Variants in ETV6 observed in about 807,000 individuals in gnomAD.
ETV6 encodes transcription factor ETV6.
In ETV6, 16 loss-of-function variants were observed where a neutral mutation model predicts 51.1. The observed-to-expected ratio is 0.31, with a 90% confidence interval of 0.21 to 0.48. The LOEUF is 0.48. ETV6 is among the 20% of genes least tolerant of loss of function. The probability of loss-of-function intolerance (pLI) is 0.99; values close to 1 mark genes in which losing one functional copy is unlikely to be tolerated. For synonymous variants in ETV6, 240 were observed against 224.1 expected (o/e 1.07, Z -0.64); for missense variants, 458 against 594.8 (o/e 0.77, Z 2.39).
chr12:11,657,357 A>G (rs374335481), intron 1 of ETV6, among the ~76,000 whole-genome samples: 3 of 152,384 alleles, frequency 2.0e-5, no homozygotes, highest in East Asian at 3.9e-4. Flanking sequence ...ACAGGCAAGA[A>G]TTCAGAAAGC....
chr12:11,757,634 G>A (rs1184054396), intron 2 of ETV6, among the ~76,000 whole-genome samples: 1 of 152,218 alleles, frequency 6.6e-6, no homozygotes, highest in Non-Finnish European at 1.5e-5. Flanking sequence ...GTGAAAGGCC[G>A]AATGTGATTT....
rs763970956 is a variant in ETV6 at position 11,816,277 on chromosome 12, C to T, written c.164-22863C>T. Among the ~76,000 whole-genome samples the T allele has an allele frequency of 3.3e-5, 5 of 152,332 alleles. No homozygotes were observed. In the East Asian group the frequency reaches 7.7e-4, roughly 23 times the overall value. On this transcript the variant is annotated intron_variant, in intron 2 of 7. Transcript: ENST00000396373. ...GTTGTTGTTGTTTGAGACGGAGTCT[C>T]GCTGTCACCCAGGCTGGAGTGCAAT...
chr12:11,664,572 A>G (rs1864160374), intron 1 of ETV6, among the ~76,000 whole-genome samples: 1 of 152,170 alleles, frequency 6.6e-6, no homozygotes, highest in South Asian at 2.1e-4. Flanking sequence ...AGGCCAACTT[A>G]AAGCCAGCAC....
chr12:11,676,294 G>A (rs995863652), intron 1 of ETV6, among the ~76,000 whole-genome samples: 2 of 152,118 alleles, frequency 1.3e-5, no homozygotes, highest in African/African-American at 2.4e-5. Flanking sequence ...TTCCTCCCCC[G>A]ATCCTGGATC....
chr12:11,801,618 A>T (rs1016965314), intron 2 of ETV6, among the ~76,000 whole-genome samples: 2 of 152,218 alleles, frequency 1.3e-5, no homozygotes, highest in Non-Finnish European at 2.9e-5. Flanking sequence ...TTGTATTTCA[A>T]TGATACCTTA....
chr12:11,662,715 G>C (rs1864122214), intron 1 of ETV6, among the ~76,000 whole-genome samples: 1 of 152,182 alleles, frequency 6.6e-6, no homozygotes, highest in Non-Finnish European at 1.5e-5. Flanking sequence ...TTGCAGGGCT[G>C]AGTTTGGGAA....
chr12:11,868,698 T>A (rs1440340885), intron 4 of ETV6, among the ~76,000 whole-genome samples: 1 of 152,026 alleles, frequency 6.6e-6, no homozygotes, highest in Non-Finnish European at 1.5e-5. Flanking sequence ...TCACTAATAC[T>A]AATAACTCCT....
At chr12:11,872,537 A>C (rs1946897060) in intron 5 of ETV6, among the ~76,000 whole-genome samples, 2 of 145,672 alleles carry the variant, frequency 1.4e-5, no homozygotes, top group East Asian at 2.0e-4. Context: ...TCTGTCACCC[A>C]GGCTGGAGTT....
chr12:11,890,318 AAAAG>A (rs138719227), intron 7 of ETV6, among the ~76,000 whole-genome samples: 13,875 of 151,976 alleles, frequency 0.091, 745 homozygotes, highest in Middle Eastern at 0.19. Flanking sequence ...CTAATTCTGT[AAAAG>A]AAAGAACATA....
At chr12:11,673,181 G>A (rs1385662999) in intron 1 of ETV6, among the ~76,000 whole-genome samples, 2 of 152,194 alleles carry the variant, frequency 1.3e-5, no homozygotes, top group Non-Finnish European at 2.9e-5. Context: ...GAGGGTGTGT[G>A]AATGAGGGTG....
intron 2 of ETV6, among the ~76,000 whole-genome samples, chr12:11,813,425 C>T (rs979695474): frequency 2.0e-5 from 3 of 152,166 alleles, no homozygotes; most frequent in Admixed American, 6.5e-5. Flanking sequence ...AATGTGGCCA[C>T]GACTCAGAAT....
At chr12:11,709,344 C>CCTCCT (rs556332418) in intron 1 of ETV6, among the ~76,000 whole-genome samples, 8 of 151,916 alleles carry the variant, frequency 5.3e-5, no homozygotes, top group South Asian at 4.2e-4. Flanking sequence ...TTTCTTCTCT[C>CCTCCT]CTCCTCTCCT....
intron 2 of ETV6, among the ~76,000 whole-genome samples, chr12:11,761,379 T>C (rs978838295): frequency 2.0e-5 from 3 of 152,226 alleles, no homozygotes; most frequent in African/African-American, 7.2e-5. Context: ...GTCTCAGGTA[T>C]GTGTGTAAAT....
chr12:11,693,914 C>T (rs1310278762), intron 1 of ETV6, among the ~76,000 whole-genome samples: 5 of 152,190 alleles, frequency 3.3e-5, no homozygotes, highest in African/African-American at 4.8e-5. Flanking sequence ...GCAGGAGTCT[C>T]ACTTCTTGGA....
At chr12:11,842,407 T>TACACACAC (rs6144615) in intron 3 of ETV6, among the ~76,000 whole-genome samples, 2,675 of 147,892 alleles carry the variant, frequency 0.018, 69 homozygotes, top group African/African-American at 0.057. Context: ...TTGACACAGA[T>TACACACAC]ACACACACAC....
chr12:11,753,270 G>A (rs1866074079), intron 2 of ETV6, among the ~76,000 whole-genome samples: 1 of 152,064 alleles, frequency 6.6e-6, no homozygotes, highest in Admixed American at 6.5e-5. Context: ...AGAGGTTTGG[G>A]GCCCACACAC....
At position 11,893,853 on chromosome 12, in the gene ETV6, CACAT is replaced by C. The variant is rs1947347195; in HGVS notation, c.*2811_*2814del. 1 of 150,910 alleles carries C rather than the reference CACAT, an allele frequency of 6.6e-6. No individual in the cohort carries two copies. Among genetic ancestry groups the C allele is most frequent in the African/African-American group, 3.1e-5 (1 of 31,832 alleles). The allele number at this position is 150,910 out of a possible 1,614,324, so 9.3% of individuals were successfully genotyped here. On this transcript the variant is annotated 3_prime_UTR_variant, in exon 8 of 8. Coordinates refer to ENST00000396373, the MANE Select transcript of ETV6 (RefSeq NM_001987.5). The stretch of plus-strand genomic sequence containing the variant: ...ATATATATATATATACACACACACA[CACAT>C]ACACAAATATTCCAGGATACAAAAA...
chr12:11,881,449 C>G (rs1454792263), intron 5 of ETV6, among the ~76,000 whole-genome samples: 1 of 152,196 alleles, frequency 6.6e-6, no homozygotes, highest in Non-Finnish European at 1.5e-5. Flanking sequence ...GCAATAGATA[C>G]GGATTGCTCC....
chr12:11,850,788 C>G (rs1021619039), intron 3 of ETV6, among the ~76,000 whole-genome samples: 2 of 152,194 alleles, frequency 1.3e-5, no homozygotes, highest in Non-Finnish European at 2.9e-5. Flanking sequence ...GGCCTCTTCA[C>G]CATGCTGCTG....
Sources: gnomAD v4.1 joint callset for allele counts (sites outside exome capture counted in the v4.1 genomes callset) on GRCh38, gnomAD v4.1.1 for gene constraint, MANE v1.5 for transcripts, NCBI Gene and HGNC (gene_info 2026-07-23, HGNC 2026-07-21) for gene names.